EIPR1: variants seen among roughly 807,000 people sequenced by gnomAD.
EIPR1 encodes EARP complex and GARP complex interacting protein 1.
Under a neutral mutation model 48.1 loss-of-function variants are expected in EIPR1, and 25 were observed. That is an observed-to-expected ratio of 0.52 (90% confidence interval 0.38 to 0.73). EIPR1 has a LOEUF of 0.73. Ranked by LOEUF, EIPR1 falls within the 30% of genes least tolerant of loss-of-function variation. The pLI is 0.00. For missense variants in EIPR1, 415 were observed against 506.2 expected, an observed-to-expected ratio of 0.82 and a Z score of 1.73; for synonymous variants, 204 against 201.9, an observed-to-expected ratio of 1.01 and a Z score of -0.09.
intron 3 of EIPR1, among the ~76,000 whole-genome samples, chr2:3,301,650 G>C (rs1372805355): frequency 6.6e-6 from 1 of 152,190 alleles, no homozygotes; most frequent in South Asian, 2.1e-4. Flanking sequence ...AGTGTTTCTG[G>C]TCTTATAATA....
chr2:3,216,237 C>T (rs143116341), intron 4 of EIPR1, among the ~76,000 whole-genome samples: 9 of 152,232 alleles, frequency 5.9e-5, no homozygotes, highest in African/African-American at 2.2e-4. Flanking sequence ...TTACCCCATG[C>T]GGGACATTTT....
At chr2:3,341,049 T>C (rs1352676556) in intron 2 of EIPR1, among the ~76,000 whole-genome samples, 2 of 118,046 alleles carry the variant, frequency 1.7e-5, no homozygotes, top group East Asian at 5.6e-4. Flanking sequence ...TGAGCCGAGA[T>C]CACGCCACTG....
chr2:3,351,646 G>A (rs768769256), intron 2 of EIPR1, among the ~76,000 whole-genome samples: 1 of 152,096 alleles, frequency 6.6e-6, no homozygotes, highest in African/African-American at 2.4e-5. Context: ...GTGGCCACTG[G>A]TAACTATTTT....
chr2:3,315,172 CCCCCTACCACCACCAT>C (rs1669253859), intron 3 of EIPR1, among the ~76,000 whole-genome samples: 1 of 2,784 alleles, frequency 3.6e-4, no homozygotes, highest in Non-Finnish European at 2.5e-3. Flanking sequence ...ATCATCACCA[CCCCCTACCACCACCAT>C]CACCACCATC....
chr2:3,216,496 A>G (rs546579643), intron 4 of EIPR1, among the ~76,000 whole-genome samples: 37 of 82,322 alleles, frequency 4.5e-4, no homozygotes, highest in African/African-American at 1.5e-3. Flanking sequence ...TCCCTTCGCA[A>G]CTAACTCACA....
At chr2:3,200,534 T>C (rs1664993367) in intron 5 of EIPR1, among the ~76,000 whole-genome samples, 1 of 151,998 alleles carries the variant, frequency 6.6e-6, no homozygotes, top group Non-Finnish European at 1.5e-5. Flanking sequence ...TTGGCAGGCA[T>C]GCATCCCACA....
At chr2:3,272,342 T>C (rs1422725248) in intron 3 of EIPR1, among the ~76,000 whole-genome samples, 1 of 152,238 alleles carries the variant, frequency 6.6e-6, no homozygotes, top group Non-Finnish European at 1.5e-5. Context: ...GGCCAACTGG[T>C]GTGCAAGGCC....
At chr2:3,290,229 C>T (rs1668324458) in intron 3 of EIPR1, among the ~76,000 whole-genome samples, 1 of 152,180 alleles carries the variant, frequency 6.6e-6, no homozygotes, top group African/African-American at 2.4e-5. Context: ...AGCCCCCAGG[C>T]CTAGAATGCT....
chr2:3,324,588 C>T (rs189246161), intron 3 of EIPR1, among the ~76,000 whole-genome samples: 2 of 152,274 alleles, frequency 1.3e-5, no homozygotes, highest in Non-Finnish European at 2.9e-5. Flanking sequence ...CCGCTCAAGG[C>T]GGCACCTTCT....
At chr2:3,196,671 C>T (rs966750567) in intron 6 of EIPR1, among the ~76,000 whole-genome samples, 4 of 152,294 alleles carry the variant, frequency 2.6e-5, no homozygotes, top group South Asian at 2.1e-4. Flanking sequence ...AAACAGCCAC[C>T]GAGGTGCACC....
chr2:3,308,112 G>A (rs1236089215), intron 3 of EIPR1, among the ~76,000 whole-genome samples: 1 of 152,164 alleles, frequency 6.6e-6, no homozygotes, highest in Non-Finnish European at 1.5e-5. Flanking sequence ...CAGAGAATGA[G>A]GCCCACTTGC....
intron 3 of EIPR1, among the ~76,000 whole-genome samples, chr2:3,304,911 TC>T (rs1668879869): frequency 6.9e-6 from 1 of 144,906 alleles, no homozygotes. Flanking sequence ...TCCAATCCCG[TC>T]CAGTTCAACC....
At chr2:3,260,105 C>T (rs1667280420) in intron 3 of EIPR1, among the ~76,000 whole-genome samples, 1 of 152,214 alleles carries the variant, frequency 6.6e-6, no homozygotes, top group African/African-American at 2.4e-5. Flanking sequence ...AACTTCTATT[C>T]ACCAAAAGAC....
intron 5 of EIPR1, among the ~76,000 whole-genome samples, chr2:3,201,511 T>C (rs1484169846): frequency 6.6e-6 from 1 of 151,918 alleles, no homozygotes; most frequent in Non-Finnish European, 1.5e-5. Context: ...CCAGATACAC[T>C]CAGCATGGAC....
At chr2:3,332,329 G>T (rs1054304771) in intron 3 of EIPR1, among the ~76,000 whole-genome samples, 2 of 152,222 alleles carry the variant, frequency 1.3e-5, no homozygotes, top group Admixed American at 1.3e-4. Context: ...AAATTGGGGA[G>T]GGAGGTGACT....
intron 3 of EIPR1, among the ~76,000 whole-genome samples, chr2:3,258,297 AATTAGATTTAAC>A (rs150335749): frequency 0.015 from 2,354 of 152,300 alleles, 26 homozygotes; most frequent in Non-Finnish European, 0.024. Flanking sequence ...ATTTTTTAAA[AATTAGATTTAAC>A]ATTGAATTCT....
intron 5 of EIPR1, among the ~76,000 whole-genome samples, chr2:3,200,473 T>C (rs1260180405): frequency 1.3e-5 from 2 of 152,204 alleles, no homozygotes; most frequent in Non-Finnish European, 1.5e-5. Context: ...TGAAGGGCTA[T>C]TTCTGCTCCG....
At chr2:3,237,221 TACACACACACACACACACAC>T (rs35498711) in intron 4 of EIPR1, among the ~76,000 whole-genome samples, 33 of 127,840 alleles carry the variant, frequency 2.6e-4, no homozygotes, top group African/African-American at 4.2e-4. Context: ...TTTTGAAAAC[TACACACACACACACACACAC>T]ACACACACAC....
At chr2:3,244,666 G>A (rs551237112) in intron 4 of EIPR1, among the ~76,000 whole-genome samples, 82 of 152,278 alleles carry the variant, frequency 5.4e-4, no homozygotes, top group African/African-American at 1.8e-3. Flanking sequence ...TGTGAACCAC[G>A]AAGAGGGGCC....
Sources: gnomAD v4.1 joint callset for allele counts (sites outside exome capture counted in the v4.1 genomes callset) on GRCh38, gnomAD v4.1.1 for gene constraint, MANE v1.5 for transcripts, NCBI Gene and HGNC (gene_info 2026-07-23, HGNC 2026-07-21) for gene names.